The following SCN10A variants were observed in gnomAD, a reference collection of about 807,000 sequenced individuals.
SCN10A encodes the protein sodium channel protein type 10 subunit alpha.
In SCN10A, 162 loss-of-function variants were observed where a neutral mutation model predicts 170.7. That is an observed-to-expected ratio of 0.95 (90% CI 0.84 to 1.08). The LOEUF (loss-of-function observed/expected upper bound fraction) is 1.08, where lower values mean the gene tolerates loss of function less well. Ranked by LOEUF, SCN10A falls within the 50% of genes least tolerant of loss-of-function variation. SCN10A has a pLI of 0.00. For missense variants in SCN10A, 2,527 were observed against 2,436.9 expected, an observed-to-expected ratio of 1.04 and a Z score of -0.78; for synonymous variants, 985 against 904.6, an observed-to-expected ratio of 1.09 and a Z score of -1.59.
chr3:38,734,342 AT>A (rs1022149008), intron 15 of SCN10A, among the ~76,000 whole-genome samples: 23 of 152,216 alleles, frequency 1.5e-4, no homozygotes, highest in Middle Eastern at 3.4e-3. Flanking sequence ...TAAAAAAAAA[AT>A]GGCATAATCT....
chr3:38,709,541 G>A lies in SCN10A; in HGVS notation c.4218C>T (p.Gly1406=). 6.2e-7 allele frequency: 1 copy of A among 1,613,192 alleles called. No individual in the cohort carries two copies. The highest frequency in any genetic ancestry group is 8.5e-7 in the Non-Finnish European group (1 of 1,179,604). ...CAACAAAGAGATTCAGTGTGAAGAA[G>A]CCTCCAAAAATGATGAAGATGACAA... ...LYFVIFIIFG[G]FFTLNLFVGV... is the part of the protein sequence containing the mutation. The change falls in exon 25 of 28, where the codon GGC becomes GGT. Residue 1406 remains glycine, a synonymous_variant. Transcript: ENST00000449082.
intron 26 of SCN10A, 22 bp from the exon 27 acceptor site, chr3:38,702,131 G>C: frequency 2.0e-6 from 3 of 1,526,972 alleles, no homozygotes; most frequent in Non-Finnish European, 2.6e-6. Context: ...AGAGATAGTG[G>C]CATCAGGGCC....
chr3:38,807,743 T>TCC (rs2064414591), intron 1 of SCN10A, among the ~76,000 whole-genome samples: 1 of 152,112 alleles, frequency 6.6e-6, no homozygotes, highest in Non-Finnish European at 1.5e-5. Context: ...TGGGTATCTC[T>TCC]CCCCTATAAA....
chr3:38,749,215 C>T (rs899103790), intron 13 of SCN10A, among the ~76,000 whole-genome samples: 1 of 152,196 alleles, frequency 6.6e-6, no homozygotes, highest in African/African-American at 2.4e-5. Context: ...TAGGATTCAG[C>T]CTAGGGCTGG....
At chr3:38,708,198 A>G (rs984704112) in intron 25 of SCN10A, among the ~76,000 whole-genome samples, 4 of 152,148 alleles carry the variant, frequency 2.6e-5, no homozygotes, top group Admixed American at 6.5e-5. Context: ...TGGGAGGACC[A>G]TCTTTATGGG....
In SCN10A at chr3:38,761,218, GT is replaced by G; in HGVS notation, c.856del (p.Thr286GlnfsTer14). 6.2e-7 allele frequency: 1 copy of G among 1,607,764 alleles called. No individual in the cohort carries two copies. Reference sequence around the variant, plus strand: ...TTTTCTGTGAGATGAGTAGTTGGTTGTCTCATTGACAGCCATGTCATTCTTG... The same window carrying G: ...TTTTCTGTGAGATGAGTAGTTGGTTGCTCATTGACAGCCATGTCATTCTTG... ...CVKNDMAVNE[T>X]TNYSSHRKPD... On this transcript the variant is annotated frameshift_variant, in exon 7 of 28. Transcript: ENST00000449082. LOFTEE classifies it high-confidence loss of function.
intron 5 of SCN10A, among the ~76,000 whole-genome samples, chr3:38,766,140 T>G (rs973928648): frequency 6.6e-6 from 1 of 152,028 alleles, no homozygotes; most frequent in Non-Finnish European, 1.5e-5. Flanking sequence ...TTTGGATGAG[T>G]CTTTAGGGTT....
intron 1 of SCN10A, among the ~76,000 whole-genome samples, chr3:38,810,738 C>T (rs2064436576): frequency 6.6e-6 from 1 of 152,166 alleles, no homozygotes; most frequent in East Asian, 1.9e-4. Context: ...CCCCTGGTGC[C>T]TGGCAGCAAA....
At chr3:38,785,670 GAAA>G (rs1302560626) in intron 4 of SCN10A, among the ~76,000 whole-genome samples, 1 of 152,076 alleles carries the variant, frequency 6.6e-6, no homozygotes, top group Non-Finnish European at 1.5e-5. Flanking sequence ...CACAGCAAAA[GAAA>G]CTATCATCAG....
chr3:38,719,187 G>A (rs1174673295), intron 20 of SCN10A, among the ~76,000 whole-genome samples: 2 of 152,166 alleles, frequency 1.3e-5, no homozygotes, highest in Non-Finnish European at 2.9e-5. Flanking sequence ...ATGTTCACAG[G>A]CAGTTTACAA....
At chr3:38,739,439 G>A in intron 15 of SCN10A, 76 bp downstream of exon 15, 2 of 1,354,354 alleles carry the variant, frequency 1.5e-6, no homozygotes, top group Non-Finnish European at 2.0e-6. Context: ...GAGCTGGCTG[G>A]TGCAGTCCCC....
intron 1 of SCN10A, among the ~76,000 whole-genome samples, chr3:38,795,587 G>A (rs1254728180): frequency 6.6e-6 from 1 of 151,872 alleles, no homozygotes; most frequent in African/African-American, 2.4e-5. Context: ...GGTCCTATTG[G>A]CTGTTTTGAC....
intron 14 of SCN10A, among the ~76,000 whole-genome samples, chr3:38,741,256 C>G (rs2063628294): frequency 6.6e-6 from 1 of 151,592 alleles, no homozygotes; most frequent in Non-Finnish European, 1.5e-5. Context: ...CTGACCCTTT[C>G]TAGCTTCTGC....
At chr3:38,710,975 G>C in intron 23 of SCN10A, 78 bp from the exon 24 acceptor site, 1 of 1,251,748 alleles carries the variant, frequency 8.0e-7, no homozygotes, top group Non-Finnish European at 1.2e-6. Context: ...TGGTGGCCCA[G>C]TGAGAGAGGA....
At chr3:38,759,546 T>G (rs1281123110) in intron 8 of SCN10A, among the ~76,000 whole-genome samples, 1 of 152,176 alleles carries the variant, frequency 6.6e-6, no homozygotes, top group Non-Finnish European at 1.5e-5. Context: ...AGAACTTGTT[T>G]TCCACAGGGT....
intron 1 of SCN10A, among the ~76,000 whole-genome samples, chr3:38,799,623 C>T (rs772191224): frequency 2.0e-5 from 3 of 152,248 alleles, no homozygotes; most frequent in Admixed American, 6.5e-5. Context: ...GTGCTTCTGC[C>T]TGATGCTCTA....
intron 14 of SCN10A, 129 bp from the exon 15 acceptor site, chr3:38,739,817 T>C: frequency 1.4e-6 from 1 of 738,648 alleles, no homozygotes; most frequent in East Asian, 2.7e-5. Flanking sequence ...TGCTATGTTA[T>C]CTGTGGGCTC....
At chr3:38,790,605 C>A (rs1490921877) in intron 3 of SCN10A, among the ~76,000 whole-genome samples, 1 of 151,580 alleles carries the variant, frequency 6.6e-6, no homozygotes, top group African/African-American at 2.4e-5. Context: ...GAAAAAGCAA[C>A]AACTACCCAA....
Position 38,697,036 on chromosome 3 carries a change from C to A in SCN10A, c.*313G>T. 2.9e-6 allele frequency: 1 copy of A among 348,472 alleles called. No individual in the cohort carries two copies. Among genetic ancestry groups the A allele is most frequent in the Non-Finnish European group, 5.3e-6 (1 of 187,916 alleles). 21.6% of individuals were successfully genotyped at this position (348,472 alleles called of 1,614,324 possible). ...AGTTCTGGTCCTGAGAAGTTTGTCT[C>A]AGTAAATATAATCTGATTACAACAA... is the stretch of plus-strand genomic sequence containing the variant. On this transcript the variant is annotated 3_prime_UTR_variant, in exon 28 of 28. Coordinates refer to ENST00000449082, the MANE Select transcript of SCN10A (RefSeq NM_006514.4).
Sources: allele counts gnomAD v4.1 joint callset (sites outside exome capture counted in the v4.1 genomes callset), GRCh38; gene constraint gnomAD v4.1.1; transcripts MANE v1.5; gene names NCBI Gene and HGNC (gene_info 2026-07-23, HGNC 2026-07-21).